Variants in NXPE1 observed in about 807,000 individuals in gnomAD.
The protein encoded by NXPE1 is neurexophilin and PC-esterase domain family member 1.
Under a neutral mutation model 33.3 loss-of-function variants are expected in NXPE1, and 31 were observed. The ratio of observed to expected loss-of-function variants is 0.93; its 90% CI spans 0.70 to 1.26. The LOEUF is 1.26. Ranked by LOEUF, NXPE1 falls within the 50% of genes most tolerant of loss-of-function variation. NXPE1 has a pLI of 0.00. For missense variants in NXPE1, 661 were observed against 655.6 expected (o/e 1.01, Z -0.09); for synonymous variants, 229 against 231.4 (o/e 0.99, Z 0.09).
At chr11:114,549,308 G>T (rs1402839442) in intron 5 of NXPE1, among the ~76,000 whole-genome samples, 2 of 151,858 alleles carry the variant, frequency 1.3e-5, no homozygotes, top group Non-Finnish European at 1.5e-5. Flanking sequence ...ACCTAATATT[G>T]TACCAAGAAC....
intron 1 of NXPE1, chr11:114,553,942 G>A: frequency 3.0e-6 from 3 of 985,354 alleles, no homozygotes; most frequent in Non-Finnish European, 3.6e-6. Flanking sequence ...TTTTCTGGGA[G>A]AGCAGGTTTG....
chr11:114,537,852 C>G (rs530884755), intron 5 of NXPE1, among the ~76,000 whole-genome samples: 14 of 151,638 alleles, frequency 9.2e-5, no homozygotes, highest in Non-Finnish European at 1.9e-4. Context: ...AATGGCCATA[C>G]TGCCCAAGGT....
intron 1 of NXPE1, among the ~76,000 whole-genome samples, chr11:114,555,628 G>T (rs1034730904): frequency 6.6e-6 from 1 of 152,172 alleles, no homozygotes; most frequent in African/African-American, 2.4e-5. Flanking sequence ...CCACCCCAAA[G>T]TTCCATTTCC....
At chr11:114,553,992 G>C in intron 1 of NXPE1, 1 of 985,358 alleles carries the variant, frequency 1.0e-6, no homozygotes, top group Non-Finnish European at 1.2e-6. Flanking sequence ...AAGTCAACTT[G>C]TCCAATTGCA....
chr11:114,550,346 A>G (rs1321441551), intron 5 of NXPE1, among the ~76,000 whole-genome samples: 1 of 152,170 alleles, frequency 6.6e-6, no homozygotes, highest in Non-Finnish European at 1.5e-5. Context: ...AAATCTTTGT[A>G]ATTAAAGTAG....
chr11:114,540,393 GA>G (rs1169588833), intron 5 of NXPE1, among the ~76,000 whole-genome samples: 5 of 152,108 alleles, frequency 3.3e-5, no homozygotes, highest in Non-Finnish European at 7.4e-5. Context: ...AATTTTGAAT[GA>G]AAAAATTAAG....
chr11:114,545,622 G>A (rs1948250239), intron 5 of NXPE1, among the ~76,000 whole-genome samples: 1 of 151,958 alleles, frequency 6.6e-6, no homozygotes, highest in African/African-American at 2.4e-5. Flanking sequence ...TGAAATTACT[G>A]TGTATGATAC....
intron 7 of NXPE1, among the ~76,000 whole-genome samples, chr11:114,524,587 A>G (rs1947311976): frequency 1.3e-5 from 2 of 152,132 alleles, no homozygotes; most frequent in South Asian, 4.2e-4. Flanking sequence ...GGTTTCTATG[A>G]GGCTTGATAG....
In NXPE1 at chr11:114,553,847, C is replaced by G. The variant is rs1429602538; in HGVS notation, c.-210-967G>C. On this transcript the variant is annotated intron_variant, in intron 1 of 8. Transcript: ENST00000534921. Reference sequence around the variant, plus strand: ...TTTCCAACTGCTCATTCAGTGACATCATCTTGGTAGCTTGAAATAGGCCAT... The same window carrying G: ...TTTCCAACTGCTCATTCAGTGACATGATCTTGGTAGCTTGAAATAGGCCAT... 3.1e-6 allele frequency: 3 copies of G among 958,084 alleles called. No homozygotes were observed. The East Asian group carries it at 3.5e-4, about 110-fold the overall frequency. The allele number at this position is 958,084 out of a possible 1,614,324, so 59.3% of individuals were successfully genotyped here. A position where few individuals can be genotyped will look rare whatever the true frequency, so the allele number is the denominator to read the frequency against.
intron 5 of NXPE1, among the ~76,000 whole-genome samples, chr11:114,538,520 A>C (rs552123495): frequency 8.8e-4 from 134 of 152,358 alleles, no homozygotes; most frequent in African/African-American, 3.0e-3. Flanking sequence ...AAATTTTTGC[A>C]ACCTACTCAT....
At chr11:114,533,054 A>G (rs57857178) in intron 5 of NXPE1, among the ~76,000 whole-genome samples, 12,363 of 152,246 alleles carry the variant, frequency 0.081, 722 homozygotes, top group East Asian at 0.23. Context: ...TAACTGAATT[A>G]ATGTTCAACA....
chr11:114,533,444 C>G (rs1181048617), intron 5 of NXPE1, among the ~76,000 whole-genome samples: 1 of 152,170 alleles, frequency 6.6e-6, no homozygotes. Context: ...GGGTGCAGGA[C>G]AGTGGATGCA....
At chr11:114,551,322 G>A in intron 4 of NXPE1, 61 bp downstream of exon 4, 1 of 1,372,246 alleles carries the variant, frequency 7.3e-7, no homozygotes, top group Non-Finnish European at 9.6e-7. Context: ...CTCCTTTTGT[G>A]AGTCACTGTC....
rs148115782 is a variant in NXPE1 at position 114,534,772 on chromosome 11, G to A, written c.100-3864C>T. 8.5e-3 allele frequency among the ~76,000 whole-genome samples: 1,289 copies of A among 152,242 alleles called. 28 individuals are homozygous for A. The highest frequency in any genetic ancestry group is 0.029 in the African/African-American group (1,199 of 41,548). On this transcript the variant is annotated intron_variant, in intron 5 of 8. Transcript: ENST00000534921. Reference sequence around the variant, plus strand: ...AAGAAACAAAGCATCCAAGAAATATGGGACTATGTGAAAAGACCAAATCTA... The same window carrying A: ...AAGAAACAAAGCATCCAAGAAATATAGGACTATGTGAAAAGACCAAATCTA...
chr11:114,540,370 G>C (rs1250617609), intron 5 of NXPE1, among the ~76,000 whole-genome samples: 1 of 152,108 alleles, frequency 6.6e-6, no homozygotes, highest in African/African-American at 2.4e-5. Context: ...AACATGATTA[G>C]ATTTCAAAAA....
At chr11:114,530,953 A>G in intron 5 of NXPE1, 45 bp from the exon 6 acceptor site, 1 of 1,502,424 alleles carries the variant, frequency 6.7e-7, no homozygotes, top group Middle Eastern at 1.8e-4. Context: ...TAACCTGTCT[A>G]ATCATTTTTA....
intron 5 of NXPE1, among the ~76,000 whole-genome samples, chr11:114,537,090 A>G (rs1947858789): frequency 6.6e-6 from 1 of 152,218 alleles, no homozygotes; most frequent in Admixed American, 6.5e-5. Context: ...CCGTGATCAA[A>G]TGGTCTTCAA....
At chr11:114,539,048 T>A (rs1229434945) in intron 5 of NXPE1, among the ~76,000 whole-genome samples, 1 of 152,130 alleles carries the variant, frequency 6.6e-6, no homozygotes, top group Non-Finnish European at 1.5e-5. Context: ...TGTCCAACAA[T>A]GATAGACTGG....
At chr11:114,552,501 C>A (rs73016121) in intron 2 of NXPE1, among the ~76,000 whole-genome samples, 1 of 151,802 alleles carries the variant, frequency 6.6e-6, no homozygotes. Flanking sequence ...AACAGAATCC[C>A]GATTTTTAGA....
Sources: allele counts gnomAD v4.1 joint callset (sites outside exome capture counted in the v4.1 genomes callset), GRCh38; gene constraint gnomAD v4.1.1; transcripts MANE v1.5; gene names NCBI Gene and HGNC (gene_info 2026-07-23, HGNC 2026-07-21).